RAB3GAP2: variants seen among roughly 807,000 people sequenced by gnomAD.
The protein encoded by RAB3GAP2 is RAB3 GTPase activating non-catalytic protein subunit 2, also known as rab3 GTPase-activating protein non-catalytic subunit.
In RAB3GAP2, 87 loss-of-function variants were observed where a neutral mutation model predicts 185.3. The ratio of observed to expected loss-of-function variants is 0.47; its 90% CI spans 0.39 to 0.56. The LOEUF (loss-of-function observed/expected upper bound fraction) is 0.56, where lower values mean the gene tolerates loss of function less well. RAB3GAP2 is among the 20% of genes least tolerant of loss of function. The pLI is 0.00. For synonymous variants in RAB3GAP2, 554 were observed against 576.1 expected, an observed-to-expected ratio of 0.96 and a Z score of 0.55; for missense variants, 1,492 against 1,638.2, an observed-to-expected ratio of 0.91 and a Z score of 1.54.
rs1047275792 is a variant in RAB3GAP2, at chr1:220,151,025, T to C, written c.*226A>G. ...TAAACAGTAAAACATCTGTATTAAT[T>C]ATAACAGAGTTGACATTTGTTTATA... On this transcript the variant is annotated 3_prime_UTR_variant, in exon 35 of 35. Coordinates refer to ENST00000358951, the MANE Select transcript of RAB3GAP2 (RefSeq NM_012414.4). 4 of 513,586 alleles carry C rather than the reference T, an allele frequency of 7.8e-6. No homozygotes were observed. In the Admixed American group the frequency reaches 1.4e-4, roughly 18 times the overall value. 31.8% of individuals were successfully genotyped at this position (513,586 alleles called of 1,614,324 possible).
At chr1:220,159,618 T>C (rs900770883) in intron 28 of RAB3GAP2, among the ~76,000 whole-genome samples, 197 bp from the exon 29 acceptor site, 10 of 152,226 alleles carry the variant, frequency 6.6e-5, no homozygotes, top group African/African-American at 2.4e-4. Flanking sequence ...AATCTCACAC[T>C]GGGCTCAAGA....
chr1:220,167,430 T>G, intron 25 of RAB3GAP2, 31 bp from the exon 26 acceptor site: 1 of 1,613,384 alleles, frequency 6.2e-7, no homozygotes. Context: ...GTGATGTTAT[T>G]TTTTTCCTTA....
rs116151622 is a variant in RAB3GAP2, at chr1:220,250,495, G to C, written c.116-17632C>G. On this transcript the variant is annotated intron_variant, in intron 1 of 34. Transcript: ENST00000358951. ...TTGTCTGAGATGATACTTTGGACTT[G>C]AACATTTGAGTTAATGCTAAAATAA... Among the ~76,000 whole-genome samples the C allele has an allele frequency of 4.1e-3, 619 of 152,336 alleles. 2 individuals are homozygous for C. The highest frequency in any genetic ancestry group is 6.3e-3 in the Non-Finnish European group (429 of 68,032).
intron 1 of RAB3GAP2, among the ~76,000 whole-genome samples, chr1:220,263,778 C>T (rs997122904): frequency 6.6e-6 from 1 of 151,870 alleles, no homozygotes; most frequent in African/African-American, 2.4e-5. Flanking sequence ...GGGTCCATAT[C>T]TCATTTTTCT....
chr1:220,160,750 A>C (rs982985420), intron 28 of RAB3GAP2, among the ~76,000 whole-genome samples: 2 of 152,044 alleles, frequency 1.3e-5, no homozygotes, highest in African/African-American at 4.8e-5. Flanking sequence ...CATCCACCAA[A>C]ATTTAAGTCA....
Position 220,206,023 on chromosome 1 carries a change from A to G in RAB3GAP2, c.613-17T>C, listed in dbSNP as rs1658957975. The G allele has an allele frequency of 1.3e-6, 2 of 1,491,812 alleles. No homozygotes were observed. Among genetic ancestry groups the G allele is most frequent in the African/African-American group, 2.8e-5 (2 of 70,446 alleles). The allele number at this position is 1,491,812 out of a possible 1,614,324, so 92.4% of individuals were successfully genotyped here. A position where few individuals can be genotyped will look rare whatever the true frequency, so the allele number is the denominator to read the frequency against. On this transcript the variant is annotated splice_polypyrimidine_tract_variant and intron_variant, in intron 7 of 34. Coordinates refer to ENST00000358951, the MANE Select transcript of RAB3GAP2 (RefSeq NM_012414.4). ...CTCTTCATTCTATTTAAGAAATAAA[A>G]AAAAAAAGTTCTTGAATAGATAAAT...
At chr1:220,173,717 T>C (rs1374865230) in intron 21 of RAB3GAP2, among the ~76,000 whole-genome samples, 6 of 152,258 alleles carry the variant, frequency 3.9e-5, no homozygotes, top group Middle Eastern at 3.4e-3. Context: ...AAAGCTAACA[T>C]GTCCAGCACT....
intron 1 of RAB3GAP2, among the ~76,000 whole-genome samples, chr1:220,252,895 G>T (rs1467446172): frequency 6.6e-6 from 1 of 152,176 alleles, no homozygotes; most frequent in African/African-American, 2.4e-5. Flanking sequence ...TGATTCCAGG[G>T]AGCCAAGCAG....
Position 220,172,744 on chromosome 1 carries a change from T to G in RAB3GAP2, c.2311-2A>C, listed in dbSNP as rs1439587107. ...AAGCCAAACACTCAGGAGCAGAGAC[T>G]GAAATCAAATTTAAATCTTTTTCAG... On this transcript the variant is annotated splice_acceptor_variant, in intron 21 of 34. Transcript: ENST00000358951. LOFTEE classifies it high-confidence loss of function. The G allele has an allele frequency of 6.3e-7, 1 of 1,596,006 alleles. No homozygotes were observed. The highest frequency in any genetic ancestry group is 8.6e-7 in the Non-Finnish European group (1 of 1,163,726).
intron 1 of RAB3GAP2, among the ~76,000 whole-genome samples, chr1:220,254,908 G>A (rs962970973): frequency 3.4e-5 from 5 of 149,178 alleles, no homozygotes; most frequent in African/African-American, 1.2e-4. Flanking sequence ...TAGTGCCAAA[G>A]GTTCAATTCA....
At chr1:220,197,574 T>C (rs549910010) in intron 9 of RAB3GAP2, among the ~76,000 whole-genome samples, 1 of 152,288 alleles carries the variant, frequency 6.6e-6, no homozygotes, top group South Asian at 2.1e-4. Flanking sequence ...CATGATTCAG[T>C]ATACAAAATG....
Position 220,232,782 on chromosome 1 carries a change from T to G in RAB3GAP2, c.180+17A>C. On this transcript the variant is annotated intron_variant, in intron 2 of 34. Transcript: ENST00000358951. ...ATGCCACTATCAAAAAACATGCATA[T>G]ATTTGTAAAGACTTACAGGTTCTTG... is the stretch of plus-strand genomic sequence containing the variant. The G allele has an allele frequency of 1.9e-6, 3 of 1,599,542 alleles. No individual in the cohort carries two copies. The highest frequency in any genetic ancestry group is 2.6e-6 in the Non-Finnish European group (3 of 1,166,820).
chr1:220,250,685 T>C (rs530193837), intron 1 of RAB3GAP2, among the ~76,000 whole-genome samples: 6 of 152,142 alleles, frequency 3.9e-5, no homozygotes, highest in Non-Finnish European at 8.8e-5. Flanking sequence ...GGGAGGGACC[T>C]GGTGGTAGGT....
chr1:220,177,454 C>T (rs1272415072), intron 21 of RAB3GAP2, among the ~76,000 whole-genome samples: 2 of 152,052 alleles, frequency 1.3e-5, no homozygotes, highest in Non-Finnish European at 2.9e-5. Flanking sequence ...CACGACCTCA[C>T]CAAATGGACA....
At chr1:220,214,633 A>T (rs912020468) in intron 2 of RAB3GAP2, among the ~76,000 whole-genome samples, 5 of 152,128 alleles carry the variant, frequency 3.3e-5, no homozygotes, top group Non-Finnish European at 5.9e-5. Context: ...AAAGAAAAAA[A>T]ATGTGATGTT....
chr1:220,220,179 T>A (rs1659278935), intron 2 of RAB3GAP2: 2 of 152,262 alleles, frequency 1.3e-5, no homozygotes, highest in South Asian at 4.1e-4. Flanking sequence ...CCCCACCCTG[T>A]TACTAAAGTT....
intron 2 of RAB3GAP2, among the ~76,000 whole-genome samples, chr1:220,229,439 T>C (rs1033276461): frequency 6.6e-6 from 1 of 152,182 alleles, no homozygotes; most frequent in Non-Finnish European, 1.5e-5. Flanking sequence ...CCCCATTGCA[T>C]AGCACATTTT....
intron 24 of RAB3GAP2, among the ~76,000 whole-genome samples, chr1:220,169,264 C>A (rs1470207260): frequency 6.6e-6 from 1 of 152,110 alleles, no homozygotes; most frequent in Non-Finnish European, 1.5e-5. Context: ...GTATCAAATG[C>A]CTAAAAGAGC....
chr1:220,252,568 G>A lies in RAB3GAP2; in HGVS notation c.115+19655C>T, dbSNP rs531242123. 1.1e-4 allele frequency among the ~76,000 whole-genome samples: 16 copies of A among 152,344 alleles called. No individual in the cohort carries two copies. The East Asian group carries it at 3.1e-3, about 29-fold the overall frequency. ...CGAAGAAAAGTACGAGGGAGTGGAG[G>A]GGGCGACGGCCCACCTGGAAGGGGC... On this transcript the variant is annotated intron_variant, in intron 1 of 34. Transcript: ENST00000358951.
Sources: gnomAD v4.1 joint callset for allele counts (sites outside exome capture counted in the v4.1 genomes callset) on GRCh38, gnomAD v4.1.1 for gene constraint, MANE v1.5 for transcripts, NCBI Gene and HGNC (gene_info 2026-07-23, HGNC 2026-07-21) for gene names.